TET1: variants seen among roughly 807,000 people sequenced by gnomAD.
TET1 encodes tet methylcytosine dioxygenase 1, also known as methylcytosine dioxygenase TET1.
In TET1, 13 loss-of-function variants were observed where a neutral mutation model predicts 148.7. The observed-to-expected ratio is 0.09, with a 90% CI of 0.06 to 0.14. The LOEUF (loss-of-function observed/expected upper bound fraction) is 0.14, where lower values mean the gene tolerates loss of function less well. TET1 is among the 10% of genes least tolerant of loss of function. TET1 has a pLI of 1.00. For missense variants in TET1, 2,182 were observed against 2,553.8 expected (o/e 0.85, Z 3.14); for synonymous variants, 907 against 937.2 (o/e 0.97, Z 0.59).
chr10:68,586,256 C>A (rs1362191275), intron 2 of TET1, among the ~76,000 whole-genome samples: 1 of 152,122 alleles, frequency 6.6e-6, no homozygotes, highest in Non-Finnish European at 1.5e-5. Flanking sequence ...CGGCTCACTG[C>A]AATCAGTACC....
chr10:68,676,717 C>T (rs992975627), intron 8 of TET1, among the ~76,000 whole-genome samples: 2 of 152,096 alleles, frequency 1.3e-5, no homozygotes, highest in African/African-American at 4.8e-5. Flanking sequence ...GCCTGGCCCA[C>T]ATCAATTTTT....
intron 3 of TET1, among the ~76,000 whole-genome samples, chr10:68,611,084 G>A (rs1006856876): frequency 6.6e-5 from 10 of 152,246 alleles, no homozygotes; most frequent in African/African-American, 2.4e-4. Context: ...CACAAGGTCA[G>A]GAGTTCGAGA....
At chr10:68,674,968 A>G (rs545591606) in intron 8 of TET1, 8 of 380,418 alleles carry the variant, frequency 2.1e-5, no homozygotes, top group African/African-American at 1.7e-4. Flanking sequence ...AAAATGCTGA[A>G]GAAGCCTAGC....
Position 68,574,873 on chromosome 10 carries a change from AGT to A in TET1, c.1914+622_1914+623del, listed in dbSNP as rs2053710522. On this transcript the variant is annotated intron_variant, in intron 2 of 11. Coordinates refer to ENST00000373644, the MANE Select transcript of TET1 (RefSeq NM_030625.3). ...AACTCCAAAGTGATACACAAACATT[AGT>A]TCTTATTATAGTTTATGAACCTAAG... Among the ~76,000 whole-genome samples the A allele has an allele frequency of 2.6e-5, 4 of 152,338 alleles. No individual in the cohort carries two copies. The South Asian group carries it at 8.3e-4, about 32-fold the overall frequency.
rs1554932901 is a variant in TET1, at chr10:68,596,043, T to TAC, written c.1915-4934_1915-4933dup. Reference sequence around the variant, plus strand: ...ACACACACACATATATATATATATATACACATTTTTTTTTTGAGACAGTCT... The same window carrying TAC: ...ACACACACACATATATATATATATATACACACATTTTTTTTTTGAGACAGTCT... On this transcript the variant is annotated intron_variant, in intron 2 of 11. Coordinates refer to ENST00000373644, the MANE Select transcript of TET1 (RefSeq NM_030625.3). Among the ~76,000 whole-genome samples the TAC allele has an allele frequency of 6.1e-5, 8 of 131,112 alleles. 1 individual carries two copies. Among genetic ancestry groups the TAC allele is most frequent in the African/African-American group, 2.3e-4 (8 of 34,070 alleles). 86.0% of individuals were successfully genotyped at this position (131,112 alleles called of 152,430 possible). A position where few individuals can be genotyped will look rare whatever the true frequency, so the allele number is the denominator to read the frequency against.
intron 10 of TET1, among the ~76,000 whole-genome samples, chr10:68,684,255 A>T (rs2055478773): frequency 6.6e-6 from 1 of 152,080 alleles, no homozygotes; most frequent in Admixed American, 6.6e-5. Flanking sequence ...AATTTTTTTT[A>T]GGTTTAGCTA....
intron 2 of TET1, among the ~76,000 whole-genome samples, chr10:68,585,364 C>A (rs931704613): frequency 6.6e-6 from 1 of 151,970 alleles, no homozygotes; most frequent in Non-Finnish European, 1.5e-5. Context: ...GAACTCCTGA[C>A]GTCAGGTGAT....
intron 3 of TET1, among the ~76,000 whole-genome samples, chr10:68,626,110 G>GAAAAAGA (rs11374052): frequency 8.8e-5 from 9 of 102,338 alleles, no homozygotes; most frequent in South Asian, 3.1e-4. Flanking sequence ...AAAAAAAAAA[G>GAAAAAGA]AAAAGAAAAA....
chr10:68,689,131 T>C (rs191042439), intron 11 of TET1, among the ~76,000 whole-genome samples: 1 of 152,318 alleles, frequency 6.6e-6, no homozygotes, highest in African/African-American at 2.4e-5. Flanking sequence ...TTACCTTCTG[T>C]GGACAACTTA....
chr10:68,666,255 C>T (rs963108862), intron 6 of TET1, among the ~76,000 whole-genome samples: 1 of 147,858 alleles, frequency 6.8e-6, no homozygotes, highest in Non-Finnish European at 1.5e-5. Context: ...TTCTATTTTG[C>T]ATTCACCAAG....
chr10:68,608,078 A>G (rs2054151145), intron 3 of TET1, among the ~76,000 whole-genome samples: 1 of 150,888 alleles, frequency 6.6e-6, no homozygotes. Context: ...ACAGGTGCAT[A>G]CCACCGCACC....
intron 3 of TET1, among the ~76,000 whole-genome samples, chr10:68,635,813 G>A (rs12415262): frequency 0.011 from 1,732 of 152,258 alleles, 28 homozygotes; most frequent in Admixed American, 0.049. Context: ...GCAACAAACC[G>A]AGACTCAGTC....
intron 6 of TET1, among the ~76,000 whole-genome samples, chr10:68,663,880 G>A (rs1329228106): frequency 6.6e-6 from 1 of 152,020 alleles, no homozygotes; most frequent in African/African-American, 2.4e-5. Context: ...AAACCTCTAT[G>A]GGGCTTTGAG....
chr10:68,661,098 C>T (rs545525235), intron 6 of TET1, among the ~76,000 whole-genome samples: 1 of 151,244 alleles, frequency 6.6e-6, no homozygotes, highest in South Asian at 2.1e-4. Flanking sequence ...GGTGCGATCT[C>T]GGCTCACTGC....
intron 3 of TET1, among the ~76,000 whole-genome samples, chr10:68,605,625 T>C (rs2054113413): frequency 6.6e-6 from 1 of 152,208 alleles, no homozygotes; most frequent in Non-Finnish European, 1.5e-5. Flanking sequence ...ATGATTCTCC[T>C]GCCTCAGCCT....
At chr10:68,635,492 T>G (rs768585820) in intron 3 of TET1, among the ~76,000 whole-genome samples, 19 of 152,202 alleles carry the variant, frequency 1.2e-4, no homozygotes, top group Non-Finnish European at 2.4e-4. Flanking sequence ...CACAATGAAC[T>G]TCTTTAATAC....
At chr10:68,684,101 G>A (rs765919951) in intron 10 of TET1, among the ~76,000 whole-genome samples, 1 of 152,026 alleles carries the variant, frequency 6.6e-6, no homozygotes, top group Non-Finnish European at 1.5e-5. Context: ...TTAAGTCTTG[G>A]CTGCAGGATG....
chr10:68,663,505 C>A (rs2055151592), intron 6 of TET1, among the ~76,000 whole-genome samples: 1 of 152,046 alleles, frequency 6.6e-6, no homozygotes, highest in Non-Finnish European at 1.5e-5. Context: ...GTAGATTTTT[C>A]TGTGATTCTC....
chr10:68,640,544 C>CTTTTTTTT (rs60460824), intron 3 of TET1, among the ~76,000 whole-genome samples: 2,819 of 42,972 alleles, frequency 0.066, 462 homozygotes, highest in Middle Eastern at 0.077. Context: ...TTCTTTCTTT[C>CTTTTTTTT]TTTTTTTTTT....
Sources: gnomAD v4.1 joint callset for allele counts (sites outside exome capture counted in the v4.1 genomes callset) on GRCh38, gnomAD v4.1.1 for gene constraint, MANE v1.5 for transcripts, NCBI Gene and HGNC (gene_info 2026-07-23, HGNC 2026-07-21) for gene names.